The following MCRIP1 variants were observed in gnomAD, a reference collection of about 807,000 sequenced individuals.
The protein encoded by MCRIP1 is MAPK regulated corepressor interacting protein 1.
MCRIP1 carries 10 observed loss-of-function variants against 14.4 expected under a neutral mutation model. The observed-to-expected ratio is 0.70, with a 90% CI of 0.43 to 1.18. MCRIP1 has a LOEUF of 1.18. MCRIP1 is among the 50% of genes most tolerant of loss of function. The probability of loss-of-function intolerance (pLI) is 0.00; values close to 1 mark genes in which losing one functional copy is unlikely to be tolerated. For missense variants in MCRIP1, 119 were observed against 135.4 expected (o/e 0.88, Z 0.60); for synonymous variants, 53 against 55.7 (o/e 0.95, Z 0.21).
chr17:81,824,615 G>C (rs2038349959), intron 1 of MCRIP1, 61 bp from the exon 2 acceptor site: 1 of 1,534,396 alleles, frequency 6.5e-7, no homozygotes, highest in Non-Finnish European at 8.7e-7. Flanking sequence ...ACAGAAGGAG[G>C]GGGAGGCGCA....
At chr17:81,826,037 C>A (rs1480960519) in intron 1 of MCRIP1, 1 of 1,420,676 alleles carries the variant, frequency 7.0e-7, no homozygotes, top group Non-Finnish European at 9.3e-7. Context: ...TGCCTCCCAG[C>A]CTGCCCTCTC....
intron 1 of MCRIP1, among the ~76,000 whole-genome samples, chr17:81,831,867 A>T (rs1420878952): frequency 6.6e-6 from 1 of 152,140 alleles, no homozygotes; most frequent in Non-Finnish European, 1.5e-5. Context: ...GGCTTTGCTC[A>T]GAGACTGGCC....
chr17:81,832,181 G>A (rs1394857911), intron 1 of MCRIP1, among the ~76,000 whole-genome samples: 1 of 152,176 alleles, frequency 6.6e-6, no homozygotes, highest in Non-Finnish European at 1.5e-5. Context: ...TTCTCTTCGT[G>A]TTCTGTGTCT....
intron 1 of MCRIP1, among the ~76,000 whole-genome samples, chr17:81,830,132 C>T (rs557169906): frequency 9.2e-5 from 14 of 152,366 alleles, no homozygotes; most frequent in East Asian, 3.9e-4. Context: ...CAGGTATTCC[C>T]CTGCTCTGGG....
chr17:81,824,174 G>A, intron 3 of MCRIP1, 113 bp downstream of exon 3: 4 of 842,794 alleles, frequency 4.7e-6, no homozygotes, highest in South Asian at 4.4e-5. Flanking sequence ...CTGTGCCCTG[G>A]AGGGGCAGGG....
intron 1 of MCRIP1, among the ~76,000 whole-genome samples, chr17:81,831,379 GC>G (rs1381243003): frequency 7.7e-6 from 1 of 130,680 alleles, no homozygotes; most frequent in Non-Finnish European, 1.6e-5. Context: ...ACAAAAAAGG[GC>G]CCCATCTCTG....
Position 81,823,566 on chromosome 17 carries a change from T to C in MCRIP1, c.128-53A>G. Reference sequence around the variant, plus strand: ...GGGCCCCCTGCCCCAGGGGGTGGCATCCACGTCACGAGAGTGCCTGCCCTC... The same window carrying C: ...GGGCCCCCTGCCCCAGGGGGTGGCACCCACGTCACGAGAGTGCCTGCCCTC... On this transcript the variant is annotated intron_variant, in intron 3 of 4. Coordinates refer to ENST00000455127, the MANE Select transcript of MCRIP1 (RefSeq NM_207368.5). The surrounding 1 kb of genome is among the most constrained non-coding windows in gnomAD (Gnocchi z 6.0). 1 of 1,454,836 alleles carries C rather than the reference T, an allele frequency of 6.9e-7. No individual in the cohort carries two copies. Among genetic ancestry groups the C allele is most frequent in the Non-Finnish European group, 9.3e-7 (1 of 1,074,674 alleles). The allele number at this position is 1,454,836 out of a possible 1,614,324, so 90.1% of individuals were successfully genotyped here. A position where few individuals can be genotyped will look rare whatever the true frequency, so the allele number is the denominator to read the frequency against.
intron 1 of MCRIP1, among the ~76,000 whole-genome samples, chr17:81,827,066 C>T (rs1271924419): frequency 7.3e-5 from 11 of 149,856 alleles, no homozygotes; most frequent in Admixed American, 6.6e-5. Flanking sequence ...TGCAGTGAGC[C>T]GAGATCGTGC....
chr17:81,827,436 T>A (rs938474672), intron 1 of MCRIP1, among the ~76,000 whole-genome samples: 2 of 151,614 alleles, frequency 1.3e-5, no homozygotes, highest in African/African-American at 4.8e-5. Context: ...CACGCCCAGC[T>A]AATTTTTTGT....
At chr17:81,829,801 G>A (rs1370783954) in intron 1 of MCRIP1, among the ~76,000 whole-genome samples, 2 of 152,058 alleles carry the variant, frequency 1.3e-5, no homozygotes, top group African/African-American at 4.8e-5. Context: ...CCCAGTGCTG[G>A]GACAACCTCC....
At chr17:81,831,973 G>A (rs2038529192) in intron 1 of MCRIP1, among the ~76,000 whole-genome samples, 1 of 152,050 alleles carries the variant, frequency 6.6e-6, no homozygotes, top group African/African-American at 2.4e-5. Context: ...TCCAGGTGGG[G>A]AGGGGACAGA....
At chr17:81,828,058 G>A (rs1437188684) in intron 1 of MCRIP1, among the ~76,000 whole-genome samples, 1 of 151,982 alleles carries the variant, frequency 6.6e-6, no homozygotes, top group Non-Finnish European at 1.5e-5. Context: ...GAGATTACAG[G>A]TGTGAGCTAC....
chr17:81,824,662 G>A (rs370593495), intron 1 of MCRIP1, 108 bp from the exon 2 acceptor site: 4 of 1,506,788 alleles, frequency 2.7e-6, no homozygotes, highest in African/African-American at 2.8e-5. Context: ...TGTGAACAAA[G>A]TGCATGGTCC....
intron 1 of MCRIP1, among the ~76,000 whole-genome samples, chr17:81,827,837 G>T (rs1308818043): frequency 7.1e-6 from 1 of 140,626 alleles, no homozygotes; most frequent in Non-Finnish European, 1.5e-5. Flanking sequence ...GTGGAGTGCA[G>T]TGGCGCGATC....
chr17:81,832,860 G>C (rs374606890), intron 1 of MCRIP1, among the ~76,000 whole-genome samples: 1 of 152,210 alleles, frequency 6.6e-6, no homozygotes, highest in Admixed American at 6.5e-5. Flanking sequence ...CCTCAGGCAC[G>C]GTCCCTCCAG....
chr17:81,832,696 C>A (rs1164098319), intron 1 of MCRIP1, among the ~76,000 whole-genome samples: 4 of 152,286 alleles, frequency 2.6e-5, no homozygotes, highest in Non-Finnish European at 1.5e-5. Context: ...ACAACCACCG[C>A]CCAGTGAGTG....
chr17:81,830,893 C>T (rs1399782847), intron 1 of MCRIP1, among the ~76,000 whole-genome samples: 1 of 150,534 alleles, frequency 6.6e-6, no homozygotes, highest in Admixed American at 6.6e-5. Context: ...AGGCCAGGCG[C>T]AGTGGCTCAT....
At chr17:81,827,784 T>C (rs1312340727) in intron 1 of MCRIP1, among the ~76,000 whole-genome samples, 1 of 145,226 alleles carries the variant, frequency 6.9e-6, no homozygotes. Context: ...ACATTTTTTT[T>C]TTTTTTTTTT....
Position 81,823,527 on chromosome 17 carries a change from G to A in MCRIP1, c.128-14C>T, listed in dbSNP as rs565101908. ...CACCCTGCCAGGCTGCAGAGGCAGAGAGTGGTGTGCTCAGGGCCCCCTGCC... is the reference window on the plus strand; with the variant it reads ...CACCCTGCCAGGCTGCAGAGGCAGAAAGTGGTGTGCTCAGGGCCCCCTGCC... On this transcript the variant is annotated splice_polypyrimidine_tract_variant and intron_variant, in intron 3 of 4. Transcript: ENST00000455127. This position sits in a 1 kb window ranked among gnomAD's most constrained non-coding sequence, Gnocchi z 6.0. 1.2e-5 allele frequency: 19 copies of A among 1,535,314 alleles called. No individual in the cohort carries two copies. The highest frequency in any genetic ancestry group is 1.2e-4 in the African/African-American group (9 of 73,146).
Sources: gnomAD v4.1 joint callset for allele counts (sites outside exome capture counted in the v4.1 genomes callset) on GRCh38, gnomAD v4.1.1 for gene constraint, Gnocchi (gnomAD v3.1) non-coding constraint, MANE v1.5 for transcripts, NCBI Gene and HGNC (gene_info 2026-07-23, HGNC 2026-07-21) for gene names.